Variants in SHLD1 observed in about 807,000 individuals in gnomAD.
The protein encoded by SHLD1 is shieldin complex subunit 1, also known as RINN1-REV7-interacting novel NHEJ regulator 3.
Under a neutral mutation model 5.5 loss-of-function variants are expected in SHLD1, and 3 were observed. The observed-to-expected ratio is 0.54, with a 90% CI of 0.25 to 1.40. The LOEUF is 1.40. Ranked by LOEUF, SHLD1 falls within the 40% of genes most tolerant of loss-of-function variation. SHLD1 has a pLI of 0.15. For synonymous variants in SHLD1, 92 were observed against 94.3 expected (o/e 0.98, Z 0.14); for missense variants, 210 against 244.4 (o/e 0.86, Z 0.94).
At chr20:5,828,603 A>G (rs1297035313) in intron 2 of SHLD1, among the ~76,000 whole-genome samples, 1 of 152,190 alleles carries the variant, frequency 6.6e-6, no homozygotes, top group Admixed American at 6.5e-5. Context: ...TGTCACCATA[A>G]GGAATATAGT....
intron 1 of SHLD1, among the ~76,000 whole-genome samples, chr20:5,752,092 C>CTAGG (rs1983783319): frequency 6.6e-6 from 1 of 151,992 alleles, no homozygotes; most frequent in Non-Finnish European, 1.5e-5. Context: ...AATAGATGGG[C>CTAGG]TAGGTGCCAT....
intron 1 of SHLD1, among the ~76,000 whole-genome samples, chr20:5,767,619 G>A (rs1001701190): frequency 1.3e-5 from 2 of 152,156 alleles, no homozygotes; most frequent in Non-Finnish European, 2.9e-5. Context: ...GCTTAAGTGC[G>A]ACAAGTCCAC....
At chr20:5,807,506 G>C (rs757627668) in intron 2 of SHLD1, among the ~76,000 whole-genome samples, 88 of 152,060 alleles carry the variant, frequency 5.8e-4, no homozygotes, top group Non-Finnish European at 1.2e-3. Context: ...GTGTAGCTGG[G>C]ACTACAGGTG....
intron 2 of SHLD1, among the ~76,000 whole-genome samples, chr20:5,810,154 G>GA (rs2122370776): frequency 6.6e-6 from 1 of 152,152 alleles, no homozygotes; most frequent in African/African-American, 2.4e-5. Flanking sequence ...CTACTTGGGA[G>GA]GCTGAGGGAG....
chr20:5,853,302 T>C (rs918360432), intron 2 of SHLD1, among the ~76,000 whole-genome samples: 17 of 152,066 alleles, frequency 1.1e-4, no homozygotes, highest in Admixed American at 7.2e-4. Context: ...AAAAATTAGC[T>C]GGGTGTGATG....
At chr20:5,805,513 T>C (rs1048651612) in intron 2 of SHLD1, among the ~76,000 whole-genome samples, 3 of 152,210 alleles carry the variant, frequency 2.0e-5, no homozygotes, top group African/African-American at 7.2e-5. Context: ...TTTCAATTTC[T>C]TAAAAAAGGG....
intron 2 of SHLD1, among the ~76,000 whole-genome samples, chr20:5,854,430 G>A (rs1320040270): frequency 6.6e-6 from 1 of 152,156 alleles, no homozygotes; most frequent in Non-Finnish European, 1.5e-5. Flanking sequence ...TTACAGGTGT[G>A]AGCCACAGCG....
chr20:5,847,668 G>A (rs1048111437), intron 2 of SHLD1, among the ~76,000 whole-genome samples: 16 of 152,248 alleles, frequency 1.1e-4, no homozygotes, highest in African/African-American at 3.4e-4. Flanking sequence ...AAGCAGCTCC[G>A]CCATAGAAGT....
intron 1 of SHLD1, among the ~76,000 whole-genome samples, chr20:5,755,505 C>T (rs1315412484): frequency 6.6e-6 from 1 of 152,124 alleles, no homozygotes; most frequent in Non-Finnish European, 1.5e-5. Context: ...AAACTGGTCC[C>T]TGGTGTCAGA....
intron 2 of SHLD1, among the ~76,000 whole-genome samples, chr20:5,842,956 C>T (rs757379296): frequency 9.2e-5 from 14 of 152,126 alleles, no homozygotes; most frequent in Non-Finnish European, 1.3e-4. Context: ...GCATATTTGC[C>T]TTATATCCTG....
intron 2 of SHLD1, among the ~76,000 whole-genome samples, chr20:5,832,371 G>A (rs2087739275): frequency 2.0e-5 from 3 of 152,238 alleles, no homozygotes; most frequent in Admixed American, 2.0e-4. Flanking sequence ...ATACAAAGGT[G>A]TAACTTGGAT....
chr20:5,857,144 T>C (rs1323332703), intron 2 of SHLD1, among the ~76,000 whole-genome samples: 1 of 151,990 alleles, frequency 6.6e-6, no homozygotes, highest in Non-Finnish European at 1.5e-5. Context: ...CCCAGCCAAT[T>C]TTTGTGTTTT....
At chr20:5,809,815 T>C (rs979627299) in intron 2 of SHLD1, among the ~76,000 whole-genome samples, 2 of 152,032 alleles carry the variant, frequency 1.3e-5, no homozygotes, top group African/African-American at 4.8e-5. Context: ...ATGCACAGAA[T>C]AGTTCCCCCA....
chr20:5,773,820 A>C lies in SHLD1; in HGVS notation c.178+777A>C, dbSNP rs1600107753. Among the ~76,000 whole-genome samples, 10 of 152,296 alleles carry C rather than the reference A, an allele frequency of 6.6e-5. No individual in the cohort carries two copies. In the South Asian group the frequency reaches 2.1e-3, roughly 32 times the overall value. ...ATCAGAATGCTTGCTCCACCCAGTC[A>C]GGTTTAGCTTAAGGTAAACCTGTAA... On this transcript the variant is annotated intron_variant, in intron 2 of 2. Transcript: ENST00000303142.
intron 2 of SHLD1, among the ~76,000 whole-genome samples, chr20:5,797,716 A>G (rs908311937): frequency 1.3e-5 from 2 of 152,228 alleles, no homozygotes; most frequent in African/African-American, 4.8e-5. Flanking sequence ...GACTGGAGAC[A>G]TGTCTAACTT....
intron 2 of SHLD1, among the ~76,000 whole-genome samples, chr20:5,814,645 TTTC>T (rs1399517598): frequency 1.3e-4 from 19 of 150,870 alleles, no homozygotes; most frequent in Admixed American, 8.6e-4. Context: ...ACTTTTTCTT[TTTC>T]TTCTTCTTTT....
At chr20:5,819,004 A>T (rs868741226) in intron 2 of SHLD1, among the ~76,000 whole-genome samples, 70 of 152,294 alleles carry the variant, frequency 4.6e-4, no homozygotes, top group African/African-American at 1.6e-3. Context: ...CTGGGACTAC[A>T]GGTGTGCGCC....
rs149999315 is a variant in SHLD1 at position 5,819,909 on chromosome 20, GGA to G, written c.179-43114_179-43113del. Among the ~76,000 whole-genome samples the G allele has an allele frequency of 7.6e-3, 1,161 of 152,212 alleles. 9 individuals are homozygous for G. Among genetic ancestry groups the G allele is most frequent in the African/African-American group, 0.027 (1,126 of 41,552 alleles). On this transcript the variant is annotated intron_variant, in intron 2 of 2. Coordinates refer to ENST00000303142, the MANE Select transcript of SHLD1 (RefSeq NM_152504.4). ...GCCTAAAAAATTACTGAGTTCTGGT[GGA>G]TACATAATGAGGACTTGACAGTGTT...
rs1356552021 is a variant in SHLD1, at chr20:5,806,343, T to C, written c.178+33300T>C. Among the ~76,000 whole-genome samples the C allele has an allele frequency of 6.6e-6, 1 of 152,260 alleles. No homozygotes were observed. The highest frequency in any genetic ancestry group is 2.4e-5 in the African/African-American group (1 of 41,472). Reference sequence around the variant, plus strand: ...ATATGGATTTGTGGATCGTGTCTTCTTCCTTCCATTTGAAAACTAGAACAT... The same window carrying C: ...ATATGGATTTGTGGATCGTGTCTTCCTCCTTCCATTTGAAAACTAGAACAT... On this transcript the variant is annotated intron_variant, in intron 2 of 2. Transcript: ENST00000303142. The surrounding 1 kb of genome is among the most constrained non-coding windows in gnomAD (Gnocchi z 7.6).
Sources: gnomAD v4.1 joint callset for allele counts (sites outside exome capture counted in the v4.1 genomes callset) on GRCh38, gnomAD v4.1.1 for gene constraint, Gnocchi (gnomAD v3.1) non-coding constraint, MANE v1.5 for transcripts, NCBI Gene and HGNC (gene_info 2026-07-23, HGNC 2026-07-21) for gene names.